The following MAP3K5 variants were observed in gnomAD, a reference collection of about 807,000 sequenced individuals.
MAP3K5 encodes the protein ASK-1.
Under a neutral mutation model 158.7 loss-of-function variants are expected in MAP3K5, and 56 were observed. That is an observed-to-expected ratio of 0.35 (90% confidence interval 0.28 to 0.44). MAP3K5 has a LOEUF of 0.44. Ranked by LOEUF, MAP3K5 falls within the 20% of genes least tolerant of loss-of-function variation. The probability of loss-of-function intolerance (pLI) is 1.00; values close to 1 mark genes in which losing one functional copy is unlikely to be tolerated. For missense variants in MAP3K5, 1,294 were observed against 1,674.8 expected (o/e 0.77, Z 3.97); for synonymous variants, 579 against 601.7 (o/e 0.96, Z 0.55).
At chr6:136,677,589 T>A (rs1416377181) in intron 7 of MAP3K5, among the ~76,000 whole-genome samples, 1 of 152,214 alleles carries the variant, frequency 6.6e-6, no homozygotes, top group African/African-American at 2.4e-5. Flanking sequence ...CTGCTCCACA[T>A]TGTCTTCCAT....
intron 25 of MAP3K5, among the ~76,000 whole-genome samples, chr6:136,577,952 T>A (rs530488124): frequency 3.0e-4 from 45 of 152,336 alleles, no homozygotes; most frequent in African/African-American, 1.0e-3. Flanking sequence ...TGTTTTTTTT[T>A]AATTAAGTAA....
intron 2 of MAP3K5, among the ~76,000 whole-genome samples, chr6:136,706,289 C>G (rs9389425): frequency 0.57 from 86,725 of 151,962 alleles, 25,919 homozygotes; most frequent in African/African-American, 0.75. Context: ...GATAAGTACA[C>G]AGTGTGGGCA....
At chr6:136,683,415 A>G (rs1780016030) in intron 7 of MAP3K5, among the ~76,000 whole-genome samples, 1 of 152,180 alleles carries the variant, frequency 6.6e-6, no homozygotes, top group African/African-American at 2.4e-5. Flanking sequence ...CCATCTTGCA[A>G]TCCCGAGTAG....
chr6:136,571,974 C>G (rs1371936926), intron 25 of MAP3K5, among the ~76,000 whole-genome samples: 1 of 152,098 alleles, frequency 6.6e-6, no homozygotes, highest in Admixed American at 6.5e-5. Context: ...TTCCAAAATC[C>G]CATTTCTTAA....
intron 1 of MAP3K5, among the ~76,000 whole-genome samples, chr6:136,782,072 A>G (rs1456143944): frequency 3.5e-4 from 52 of 149,942 alleles, no homozygotes; most frequent in African/African-American, 8.2e-4. Flanking sequence ...AAAAAAAAAA[A>G]GGGTATTTGA....
chr6:136,690,806 T>C (rs1780351344), intron 7 of MAP3K5, among the ~76,000 whole-genome samples: 1 of 152,196 alleles, frequency 6.6e-6, no homozygotes, highest in South Asian at 2.1e-4. Context: ...CAGTGCTATA[T>C]GCTTTTTCCT....
At position 136,609,165 on chromosome 6, in the gene MAP3K5, A is replaced by C. The variant is rs1776225761; in HGVS notation, c.2521+2117T>G. Reference sequence around the variant, plus strand: ...ACATCCTGTCCCACAAAGTGTGTGAAACGAGGGATTTTCCTCTCAGAAATT... The same window carrying C: ...ACATCCTGTCCCACAAAGTGTGTGACACGAGGGATTTTCCTCTCAGAAATT... On this transcript the variant is annotated intron_variant, in intron 18 of 29. Transcript: ENST00000359015. The surrounding 1 kb of genome is among the most constrained non-coding windows in gnomAD (Gnocchi z 4.4). Among the ~76,000 whole-genome samples the C allele has an allele frequency of 6.6e-6, 1 of 152,214 alleles. No homozygotes were observed. Among genetic ancestry groups the C allele is most frequent in the Non-Finnish European group, 1.5e-5 (1 of 68,028 alleles).
At chr6:136,577,564 G>T (rs1774673308) in intron 25 of MAP3K5, among the ~76,000 whole-genome samples, 1 of 152,250 alleles carries the variant, frequency 6.6e-6, no homozygotes, top group Non-Finnish European at 1.5e-5. Context: ...TTCTGCACAT[G>T]GTTGATCACA....
At chr6:136,592,087 C>G in intron 23 of MAP3K5, 86 bp downstream of exon 23, 1 of 1,297,812 alleles carries the variant, frequency 7.7e-7, no homozygotes, top group Non-Finnish European at 1.1e-6. Context: ...TCTTGCCTTT[C>G]ACATCATCTG....
intron 1 of MAP3K5, among the ~76,000 whole-genome samples, chr6:136,773,647 G>C (rs187195494): frequency 2.0e-5 from 3 of 152,036 alleles, no homozygotes; most frequent in Non-Finnish European, 2.9e-5. Flanking sequence ...GTTGTTGGTT[G>C]GTTCGTTGGT....
At chr6:136,730,147 T>C (rs543775809) in intron 1 of MAP3K5, among the ~76,000 whole-genome samples, 2 of 124,988 alleles carry the variant, frequency 1.6e-5, no homozygotes, top group Admixed American at 7.9e-5. Context: ...TTTTTGTTGT[T>C]TGGTTGTTTT....
chr6:136,755,782 C>T (rs1783451840), intron 1 of MAP3K5, among the ~76,000 whole-genome samples: 1 of 151,552 alleles, frequency 6.6e-6, no homozygotes, highest in Admixed American at 6.6e-5. Context: ...CTAACCGTAA[C>T]CATACAGGCT....
Position 136,792,142 on chromosome 6 carries a change from C to G in MAP3K5, c.16G>C (p.Asp6His), listed in dbSNP as rs1047889748. 8 of 1,571,110 alleles carry G rather than the reference C, an allele frequency of 5.1e-6. No homozygotes were observed. Among genetic ancestry groups the G allele is most frequent in the Non-Finnish European group, 6.9e-6 (8 of 1,160,992 alleles). ...GGCACAGAGAAAGTGATGCCCTCGT[C>G]CGCCTCCGTGCTCATCTCTCCGGGC... Reference protein sequence around the residue: MSTEADEGITFSVPPF... With the variant: MSTEAHEGITFSVPPF... Residue 6 changes from aspartate to histidine, a missense_variant, in exon 1 of 30, where the codon GAC (aspartate) becomes CAC (histidine). Transcript: ENST00000359015. This position sits in a 1 kb window ranked among gnomAD's most constrained non-coding sequence, Gnocchi z 5.7.
chr6:136,647,652 G>A (rs1352962542), intron 11 of MAP3K5: 1 of 152,256 alleles, frequency 6.6e-6, no homozygotes, highest in African/African-American at 2.4e-5. Context: ...CTTGTAGAAT[G>A]AGTCAGACTC....
Position 136,792,464 on chromosome 6 carries a change from TGAC to T in MAP3K5, c.-310_-308del. On this transcript the variant is annotated 5_prime_UTR_variant, in exon 1 of 30. Coordinates refer to ENST00000359015, the MANE Select transcript of MAP3K5 (RefSeq NM_005923.4). This position sits in a 1 kb window ranked among gnomAD's most constrained non-coding sequence, Gnocchi z 5.7. ...ACGGAGCTTCCTTTTCTTGGCCGGCTGACAAGTCGGCTCGCAAACCTGCGCCGC... is the reference window on the plus strand; with the variant it reads ...ACGGAGCTTCCTTTTCTTGGCCGGCTAAGTCGGCTCGCAAACCTGCGCCGC... 1.2e-6 allele frequency: 1 copy of T among 823,442 alleles called. No homozygotes were observed. The highest frequency in any genetic ancestry group is 1.5e-6 in the Non-Finnish European group (1 of 683,200). The allele number at this position is 823,442 out of a possible 1,614,324, so 51.0% of individuals were successfully genotyped here.
At chr6:136,771,919 TA>T (rs1441919787) in intron 1 of MAP3K5, among the ~76,000 whole-genome samples, 26 of 151,020 alleles carry the variant, frequency 1.7e-4, no homozygotes, top group Non-Finnish European at 2.9e-4. Flanking sequence ...TCTCCCTTTT[TA>T]TTTTTTTTTT....
At chr6:136,570,045 C>G (rs1404617011) in intron 25 of MAP3K5, among the ~76,000 whole-genome samples, 2 of 152,080 alleles carry the variant, frequency 1.3e-5, no homozygotes, top group Admixed American at 6.5e-5. Context: ...CCTAGATTTC[C>G]TCGTTTTACC....
In MAP3K5 at chr6:136,623,545, G is replaced by A. The variant is rs574075156; in HGVS notation, c.2017-564C>T. Among the ~76,000 whole-genome samples the A allele has an allele frequency of 1.5e-4, 23 of 152,202 alleles. No homozygotes were observed. In the South Asian group the frequency reaches 4.2e-3, roughly 27 times the overall value. On this transcript the variant is annotated intron_variant, in intron 14 of 29. Coordinates refer to ENST00000359015, the MANE Select transcript of MAP3K5 (RefSeq NM_005923.4). Reference sequence around the variant, plus strand: ...AACATTTTTTTAAGTGAAAAATAGAGGAAAATTTTGATCTCTGATGTAGAA... The same window carrying A: ...AACATTTTTTTAAGTGAAAAATAGAAGAAAATTTTGATCTCTGATGTAGAA...
chr6:136,769,828 A>AG (rs1390028292), intron 1 of MAP3K5, among the ~76,000 whole-genome samples: 2 of 35,348 alleles, frequency 5.7e-5, no homozygotes, highest in African/African-American at 1.2e-4. Flanking sequence ...GGAGGGAGGG[A>AG]GGGAAGGGAG....
Sources: allele counts gnomAD v4.1 joint callset (sites outside exome capture counted in the v4.1 genomes callset), GRCh38; gene constraint gnomAD v4.1.1; non-coding constraint Gnocchi (gnomAD v3.1); transcripts MANE v1.5; gene names NCBI Gene and HGNC (gene_info 2026-07-23, HGNC 2026-07-21).